The following NCAM2 variants were observed in gnomAD, a reference collection of about 807,000 sequenced individuals.
NCAM2 encodes neural cell adhesion molecule 2.
Under a neutral mutation model 98.1 loss-of-function variants are expected in NCAM2, and 30 were observed. That is an observed-to-expected ratio of 0.31 (90% confidence interval 0.23 to 0.41). The LOEUF (loss-of-function observed/expected upper bound fraction) is 0.41, where lower values mean the gene tolerates loss of function less well. Among genes scored for constraint, NCAM2 ranks in the 10% least tolerant of loss-of-function variants. NCAM2 has a pLI of 1.00. For missense variants in NCAM2, 867 were observed against 1,005.8 expected, an observed-to-expected ratio of 0.86 and a Z score of 1.87; for synonymous variants, 368 against 342.4, an observed-to-expected ratio of 1.07 and a Z score of -0.83.
chr21:21,133,323 C>T (rs1358021171), intron 1 of NCAM2, among the ~76,000 whole-genome samples: 2 of 152,182 alleles, frequency 1.3e-5, no homozygotes, highest in Non-Finnish European at 2.9e-5. Context: ...TTTACACTAA[C>T]ACTCGGAAGT....
intron 16 of NCAM2, among the ~76,000 whole-genome samples, chr21:21,532,420 A>T (rs1239543225): frequency 2.0e-5 from 3 of 152,146 alleles, no homozygotes; most frequent in Non-Finnish European, 2.9e-5. Context: ...TAAAAAGGTC[A>T]CCAAAAACAA....
chr21:21,082,005 A>C (rs1260655168), intron 1 of NCAM2, among the ~76,000 whole-genome samples: 7 of 151,778 alleles, frequency 4.6e-5, no homozygotes, highest in Admixed American at 4.6e-4. Flanking sequence ...TGGGAGGCAG[A>C]GGCGGGTGGA....
chr21:21,359,064 C>T (rs1379477533), intron 8 of NCAM2, among the ~76,000 whole-genome samples: 1 of 151,980 alleles, frequency 6.6e-6, no homozygotes, highest in African/African-American at 2.4e-5. Context: ...GAACAACATA[C>T]CACCAGTTCC....
intron 1 of NCAM2, among the ~76,000 whole-genome samples, chr21:21,139,311 T>C (rs1050386288): frequency 1.3e-5 from 2 of 152,266 alleles, no homozygotes; most frequent in Admixed American, 6.5e-5. Context: ...GTGTCCCTGC[T>C]AAAATTTGGA....
chr21:21,406,478 C>T lies in NCAM2; in HGVS notation c.1196-3796C>T, dbSNP rs534681161. On this transcript the variant is annotated intron_variant, in intron 9 of 17. Transcript: ENST00000400546. ...TTCTTTGCTACTGGCAAGCCAGGGA[C>T]AGTGCCAAGGTCAAGGCCTAGTTGA... 4.7e-4 allele frequency among the ~76,000 whole-genome samples: 72 copies of T among 152,230 alleles called. 1 individual carries two copies. The South Asian group carries it at 0.014, about 30-fold the overall frequency.
In NCAM2 at chr21:21,509,013, G is replaced by T. The variant is rs765190810; in HGVS notation, c.2240G>T (p.Ser747Ile). The T allele has an allele frequency of 6.2e-7, 1 of 1,613,366 alleles. No individual in the cohort carries two copies. Among genetic ancestry groups the T allele is most frequent in the South Asian group, 1.1e-5 (1 of 91,056 alleles). ...ATGTGTGGAAAGAAAAGTGGCTCCA[G>T]TGGCAAAAGTAAAGAACTCGAAGAA... ...RRMCGKKSGSSGKSKELEEGK... is the reference protein window; with the variant it reads ...RRMCGKKSGSIGKSKELEEGK... Residue 747 changes from serine to isoleucine, a missense_variant, in exon 16 of 18, where the codon AGT becomes ATT. By Grantham distance (142) the Ser-to-Ile change is moderately radical. Transcript: ENST00000400546.
chr21:21,038,678 T>C (rs770832981), intron 1 of NCAM2, among the ~76,000 whole-genome samples: 2 of 152,184 alleles, frequency 1.3e-5, no homozygotes, highest in African/African-American at 2.4e-5. Flanking sequence ...GAACTGTAAG[T>C]CAGTTAAACC....
chr21:21,242,548 G>A (rs1473821395), intron 1 of NCAM2, among the ~76,000 whole-genome samples: 1 of 151,992 alleles, frequency 6.6e-6, no homozygotes, highest in Non-Finnish European at 1.5e-5. Context: ...ACTTCTATGG[G>A]TTCACTTTCT....
intron 8 of NCAM2, among the ~76,000 whole-genome samples, chr21:21,356,114 G>A (rs1404684816): frequency 2.0e-5 from 3 of 152,042 alleles, no homozygotes; most frequent in Non-Finnish European, 4.4e-5. Context: ...AATTCAAAAG[G>A]AATTTCTCTC....
intron 1 of NCAM2, among the ~76,000 whole-genome samples, chr21:21,218,659 T>C (rs1204468324): frequency 6.6e-6 from 1 of 152,216 alleles, no homozygotes; most frequent in Non-Finnish European, 1.5e-5. Context: ...CTTTGAAGAC[T>C]GGAAAGAGGC....
At chr21:21,218,542 A>G (rs1164628357) in intron 1 of NCAM2, among the ~76,000 whole-genome samples, 2 of 152,200 alleles carry the variant, frequency 1.3e-5, no homozygotes, top group African/African-American at 4.8e-5. Flanking sequence ...TAGAAAGATT[A>G]TTATATAATA....
intron 7 of NCAM2, among the ~76,000 whole-genome samples, chr21:21,337,553 T>A (rs1321180279): frequency 1.3e-5 from 2 of 152,002 alleles, no homozygotes; most frequent in African/African-American, 4.8e-5. Flanking sequence ...AAAAAGTAAC[T>A]CACACTGAAA....
At chr21:21,366,450 C>T (rs1056777482) in intron 8 of NCAM2, among the ~76,000 whole-genome samples, 5 of 152,022 alleles carry the variant, frequency 3.3e-5, no homozygotes, top group African/African-American at 1.2e-4. Flanking sequence ...TAATTCTCAC[C>T]AGATGTGGAT....
intron 1 of NCAM2, among the ~76,000 whole-genome samples, chr21:21,240,890 A>T (rs1485587200): frequency 6.6e-6 from 1 of 152,166 alleles, no homozygotes; most frequent in East Asian, 1.9e-4. Flanking sequence ...AATATTTATA[A>T]AATGTTTAGA....
chr21:21,451,855 G>C (rs2776105), intron 12 of NCAM2, among the ~76,000 whole-genome samples: 2 of 152,028 alleles, frequency 1.3e-5, no homozygotes, highest in Admixed American at 1.3e-4. Flanking sequence ...GAAACACATA[G>C]CAAAAAATGT....
intron 11 of NCAM2, among the ~76,000 whole-genome samples, chr21:21,420,469 A>AT (rs1450074139): frequency 6.6e-6 from 1 of 152,068 alleles, no homozygotes; most frequent in African/African-American, 2.4e-5. Flanking sequence ...GTAAAGTAAT[A>AT]TCAGAAAATT....
intron 16 of NCAM2, among the ~76,000 whole-genome samples, chr21:21,511,136 T>C (rs1555910166): frequency 1.3e-5 from 2 of 152,026 alleles, no homozygotes; most frequent in Non-Finnish European, 2.9e-5. Flanking sequence ...CCAATTCTCC[T>C]CCTTTAGTTA....
chr21:21,081,581 A>G (rs1455234714), intron 1 of NCAM2, among the ~76,000 whole-genome samples: 3 of 152,086 alleles, frequency 2.0e-5, no homozygotes, highest in Non-Finnish European at 4.4e-5. Context: ...CAAACAGATC[A>G]CATTAGGTCC....
At chr21:21,294,538 T>C (rs552090710) in intron 5 of NCAM2, among the ~76,000 whole-genome samples, 1 of 151,976 alleles carries the variant, frequency 6.6e-6, no homozygotes, top group South Asian at 2.1e-4. Flanking sequence ...TGCTCGGACA[T>C]TGATAATTAG....
Sources: gnomAD v4.1 joint callset for allele counts (sites outside exome capture counted in the v4.1 genomes callset) on GRCh38, gnomAD v4.1.1 for gene constraint, MANE v1.5 for transcripts, NCBI Gene and HGNC (gene_info 2026-07-23, HGNC 2026-07-21) for gene names.